The following ANKFN1 variants were observed in gnomAD, a reference collection of about 807,000 sequenced individuals.
The protein encoded by ANKFN1 is ankyrin repeat and fibronectin type III domain containing 1.
A neutral mutation model predicts 108.7 loss-of-function variants in ANKFN1; 74 were observed. The ratio of observed to expected loss-of-function variants is 0.68; its 90% CI spans 0.56 to 0.83. The LOEUF (loss-of-function observed/expected upper bound fraction) is 0.83. Ranked by LOEUF, ANKFN1 falls within the 40% of genes least tolerant of loss-of-function variation. ANKFN1 has a pLI of 0.00. For missense variants in ANKFN1, 1,505 were observed against 1,382.3 expected (o/e 1.09, Z -1.41); for synonymous variants, 547 against 516.2 (o/e 1.06, Z -0.81).
chr17:56,397,335 C>T (rs953105475), intron 8 of ANKFN1, among the ~76,000 whole-genome samples: 10 of 152,100 alleles, frequency 6.6e-5, no homozygotes, highest in African/African-American at 9.7e-5. Context: ...TTTCTGATGA[C>T]GTGTGTGCTA....
intron 3 of ANKFN1, among the ~76,000 whole-genome samples, chr17:56,261,500 C>A (rs1254850179): frequency 6.6e-6 from 1 of 152,036 alleles, no homozygotes; most frequent in African/African-American, 2.4e-5. Context: ...AAGGTGAAGT[C>A]CCACAATAGG....
intron 8 of ANKFN1, among the ~76,000 whole-genome samples, chr17:56,415,913 A>T (rs1281309277): frequency 2.6e-5 from 4 of 152,146 alleles, no homozygotes; most frequent in Admixed American, 2.6e-4. Flanking sequence ...AAATCGATAC[A>T]CCTACAGTAA....
At chr17:56,194,855 A>G (rs957955373) in intron 1 of ANKFN1, among the ~76,000 whole-genome samples, 2 of 152,228 alleles carry the variant, frequency 1.3e-5, no homozygotes, top group Non-Finnish European at 2.9e-5. Flanking sequence ...TGTACCATCT[A>G]TCAATTTTGC....
In ANKFN1 at chr17:56,391,366, ATATGTGTG is replaced by A. The variant is rs1459921889; in HGVS notation, c.910+16654_910+16661del. Among the ~76,000 whole-genome samples the A allele has an allele frequency of 9.4e-4, 73 of 77,534 alleles. 1 individual carries two copies. Among genetic ancestry groups the A allele is most frequent in the African/African-American group, 4.0e-3 (62 of 15,664 alleles). 50.9% of individuals were successfully genotyped at this position (77,534 alleles called of 152,430 possible). On this transcript the variant is annotated intron_variant, in intron 8 of 20. Transcript: ENST00000682825. ...CTTGAAGGCCCAAGAATACATATATATATGTGTGTGTGTGTGTGTGTGTGTGTGTGTGT... is the reference window on the plus strand; with the variant it reads ...CTTGAAGGCCCAAGAATACATATATATGTGTGTGTGTGTGTGTGTGTGTGT...
At chr17:56,373,909 T>C (rs1163137813) in intron 7 of ANKFN1, among the ~76,000 whole-genome samples, 1 of 152,232 alleles carries the variant, frequency 6.6e-6, no homozygotes, top group Admixed American at 6.5e-5. Flanking sequence ...AAACACCTTC[T>C]ACGTGTTAAG....
chr17:56,256,011 T>C (rs958212295), intron 3 of ANKFN1, among the ~76,000 whole-genome samples: 86 of 152,186 alleles, frequency 5.7e-4, no homozygotes, highest in African/African-American at 2.0e-3. Context: ...CTATATCTAT[T>C]TTAATTTTAA....
At chr17:56,451,550 A>G (rs989667672) in intron 11 of ANKFN1, among the ~76,000 whole-genome samples, 1 of 152,196 alleles carries the variant, frequency 6.6e-6, no homozygotes, top group African/African-American at 2.4e-5. Context: ...TTACAATTAG[A>G]AAAAGTAATA....
chr17:56,492,421 A>T (rs2051070200), intron 19 of ANKFN1, 68 bp downstream of exon 19: 1 of 678,774 alleles, frequency 1.5e-6, no homozygotes, highest in Admixed American at 2.0e-5. Flanking sequence ...TGAAAAGCCA[A>T]GCATGGGAAA....
intron 8 of ANKFN1, among the ~76,000 whole-genome samples, chr17:56,394,851 T>C (rs2047533546): frequency 6.6e-6 from 1 of 152,212 alleles, no homozygotes; most frequent in Non-Finnish European, 1.5e-5. Context: ...CTTTGCAGCA[T>C]TATAGTTTGT....
intron 4 of ANKFN1, among the ~76,000 whole-genome samples, chr17:56,089,076 C>T (rs565942936): frequency 4.6e-5 from 7 of 151,228 alleles, no homozygotes; most frequent in Non-Finnish European, 1.0e-4. Context: ...CAAAAGTTTG[C>T]ATTTGTATGA....
At chr17:56,074,003 G>A (rs1043533650) in intron 4 of ANKFN1, among the ~76,000 whole-genome samples, 1 of 152,190 alleles carries the variant, frequency 6.6e-6, no homozygotes, top group African/African-American at 2.4e-5. Flanking sequence ...ATTCGTTTGG[G>A]TATATACCTA....
intron 14 of ANKFN1, chr17:56,462,150 G>A (rs1228612800): frequency 1.8e-4 from 27 of 152,282 alleles, no homozygotes; most frequent in Admixed American, 1.5e-3. Context: ...GAAGATGTCT[G>A]GAAATACTGA....
intron 1 of ANKFN1, among the ~76,000 whole-genome samples, chr17:56,188,509 T>A (rs2143670669): frequency 6.8e-6 from 1 of 147,534 alleles, no homozygotes; most frequent in South Asian, 2.1e-4. Context: ...TGCATATGCA[T>A]TTCTTATTAT....
chr17:56,201,645 G>A (rs1914070095), intron 1 of ANKFN1, among the ~76,000 whole-genome samples: 1 of 150,766 alleles, frequency 6.6e-6, no homozygotes, highest in Non-Finnish European at 1.5e-5. Flanking sequence ...ACTAAGGAGT[G>A]CTTTAGCTGA....
chr17:56,151,284 A>C (rs755435919), upstream of ANKFN1, among the ~76,000 whole-genome samples: 2 of 152,208 alleles, frequency 1.3e-5, no homozygotes, highest in Non-Finnish European at 2.9e-5. Context: ...TCCCCTGGTT[A>C]GTGCTGTCAG....
At chr17:56,138,048 G>A (rs1259727640) in intron 4 of ANKFN1, among the ~76,000 whole-genome samples, 2 of 152,124 alleles carry the variant, frequency 1.3e-5, no homozygotes, top group Admixed American at 6.6e-5. Flanking sequence ...GATACAGTAC[G>A]GATTGCTGGA....
chr17:56,125,640 G>T (rs1317482462), intron 4 of ANKFN1, among the ~76,000 whole-genome samples: 3 of 152,198 alleles, frequency 2.0e-5, no homozygotes, highest in Non-Finnish European at 4.4e-5. Context: ...TTTTACAAAT[G>T]AGGAAACACA....
At chr17:56,146,710 C>T (rs1908280066) in intron 4 of ANKFN1, among the ~76,000 whole-genome samples, 1 of 152,140 alleles carries the variant, frequency 6.6e-6, no homozygotes, top group African/African-American at 2.4e-5. Context: ...GCAGGGAGGC[C>T]CTGGGCCCTG....
At chr17:56,057,409 G>T (rs183466763) in intron 4 of ANKFN1, among the ~76,000 whole-genome samples, 129 of 152,254 alleles carry the variant, frequency 8.5e-4, no homozygotes, top group African/African-American at 3.0e-3. Context: ...ATATACTTAA[G>T]AAGTATATTT....
Sources: gnomAD v4.1 joint callset for allele counts (sites outside exome capture counted in the v4.1 genomes callset) on GRCh38, gnomAD v4.1.1 for gene constraint, MANE v1.5 for transcripts, NCBI Gene and HGNC (gene_info 2026-07-23, HGNC 2026-07-21) for gene names.